SAMTOR: variants seen among roughly 807,000 people sequenced by gnomAD.
SAMTOR encodes the protein S-adenosylmethionine sensor upstream of mTORC1, also known as UPF0532 protein C7orf60.
chr7:112,885,268 G>A, the SAMTOR span, among the ~76,000 whole-genome samples: 3 of 151,692 alleles, frequency 2.0e-5, no homozygotes, highest in Non-Finnish European at 4.4e-5. Flanking sequence ...GTGCCCTGGA[G>A]GCATTTTCCC....
At chr7:112,865,286 CTCT>C in the SAMTOR span, among the ~76,000 whole-genome samples, 1 of 151,520 alleles carries the variant, frequency 6.6e-6, no homozygotes, top group Non-Finnish European at 1.5e-5. Context: ...CCCCATCTCT[CTCT>C]TTTTTTTGAG....
chr7:112,832,825 A>T, the SAMTOR span: 1 of 580,652 alleles, frequency 1.7e-6, no homozygotes, highest in Non-Finnish European at 3.1e-6. Flanking sequence ...TCTGTGAGTT[A>T]TATCTATTAA....
chr7:112,908,018 T>C, the SAMTOR span, among the ~76,000 whole-genome samples: 1 of 152,062 alleles, frequency 6.6e-6, no homozygotes, highest in South Asian at 2.1e-4. Context: ...AAATACAAAA[T>C]GCACACACAC....
chr7:112,902,439 CAAAAAAAAACA>C, the SAMTOR span, among the ~76,000 whole-genome samples: 1 of 81,460 alleles, frequency 1.2e-5, no homozygotes, highest in African/African-American at 4.9e-5. Context: ...CAAAAAAAAA[CAAAAAAAAACA>C]AAAAAAAAAA....
At chr7:112,907,678 C>T in the SAMTOR span, among the ~76,000 whole-genome samples, 1,625 of 151,082 alleles carry the variant, frequency 0.011, 30 homozygotes, top group African/African-American at 0.037. Context: ...GAAAAAAAGG[C>T]AAATGACTCC....
At chr7:112,854,353 T>TA in the SAMTOR span, among the ~76,000 whole-genome samples, 1 of 152,008 alleles carries the variant, frequency 6.6e-6, no homozygotes, top group East Asian at 1.9e-4. Context: ...GATTAGGAAA[T>TA]AAAAAATTCA....
the SAMTOR span, among the ~76,000 whole-genome samples, chr7:112,855,540 G>A: frequency 6.6e-6 from 1 of 152,110 alleles, no homozygotes; most frequent in Non-Finnish European, 1.5e-5. Context: ...GTAGGACTGA[G>A]GTCCCTGTTT....
At chr7:112,840,828 G>GAACCAAAGACAAA in the SAMTOR span, among the ~76,000 whole-genome samples, 1 of 151,320 alleles carries the variant, frequency 6.6e-6, no homozygotes, top group African/African-American at 2.4e-5. Flanking sequence ...CACATTAACA[G>GAACCAAAGACAAA]AACCACATGA....
the SAMTOR span, among the ~76,000 whole-genome samples, chr7:112,931,790 A>G: frequency 1.6e-4 from 25 of 152,356 alleles, no homozygotes; most frequent in African/African-American, 6.0e-4. Flanking sequence ...ACAATAGGTC[A>G]GTATAGTTTA....
chr7:112,871,494 C>T, the SAMTOR span, among the ~76,000 whole-genome samples: 1 of 151,970 alleles, frequency 6.6e-6, no homozygotes, highest in Non-Finnish European at 1.5e-5. Context: ...ACACAACATA[C>T]CAAAACCTCT....
the SAMTOR span, among the ~76,000 whole-genome samples, chr7:112,915,674 G>A: frequency 0.023 from 3,433 of 151,874 alleles, 66 homozygotes; most frequent in Admixed American, 0.042. Flanking sequence ...TTATGTAAAG[G>A]GATGCATCAT....
At chr7:112,880,389 G>C in the SAMTOR span, among the ~76,000 whole-genome samples, 2 of 152,090 alleles carry the variant, frequency 1.3e-5, no homozygotes, top group Admixed American at 1.3e-4. Context: ...CAGAATGTTA[G>C]ATATTTCCCC....
the SAMTOR span, among the ~76,000 whole-genome samples, chr7:112,931,434 T>C: frequency 6.6e-6 from 1 of 152,144 alleles, no homozygotes; most frequent in Non-Finnish European, 1.5e-5. Flanking sequence ...TAAAAATACT[T>C]ACTCCAAAAT....
chr7:112,915,489 A>T, the SAMTOR span: 1 of 1,457,706 alleles, frequency 6.9e-7, no homozygotes, highest in East Asian at 2.5e-5. Flanking sequence ...ACACTGAAAC[A>T]TGTCAGACTC....
the SAMTOR span, among the ~76,000 whole-genome samples, chr7:112,919,603 C>A: frequency 6.6e-6 from 1 of 152,034 alleles, no homozygotes; most frequent in African/African-American, 2.4e-5. Flanking sequence ...AAAATCAGAG[C>A]AGAACTGAAG....
At chr7:112,822,128 A>C in the SAMTOR span, 1 of 1,613,920 alleles carries the variant, frequency 6.2e-7, no homozygotes, top group Non-Finnish European at 8.5e-7. Flanking sequence ...GGGAGGAATC[A>C]GGTGTGATGA....
chr7:112,923,373 CAG>C, the SAMTOR span, among the ~76,000 whole-genome samples: 238 of 152,188 alleles, frequency 1.6e-3, 1 homozygote, highest in African/African-American at 5.5e-3. Flanking sequence ...CTAGGAAAAC[CAG>C]AGACCTTTGT....
chr7:112,923,457 C>T, the SAMTOR span, among the ~76,000 whole-genome samples: 1 of 151,950 alleles, frequency 6.6e-6, no homozygotes, highest in Non-Finnish European at 1.5e-5. Context: ...CTGGGAGAAA[C>T]ACCCAAGAAT....
At chr7:112,897,677 A>G in the SAMTOR span, among the ~76,000 whole-genome samples, 2 of 152,214 alleles carry the variant, frequency 1.3e-5, no homozygotes, top group Non-Finnish European at 2.9e-5. Context: ...TTGAAAAAAT[A>G]AAAATCTGAA....
Sources: gnomAD v4.1 joint callset for allele counts (sites outside exome capture counted in the v4.1 genomes callset) on GRCh38, gnomAD v4.1.1 for gene constraint, MANE v1.5 for transcripts, NCBI Gene and HGNC (gene_info 2026-07-23, HGNC 2026-07-21) for gene names.